The following NAALADL2 variants were observed in gnomAD, a reference collection of about 807,000 sequenced individuals.
NAALADL2 encodes the protein N-acetylated alpha-linked acidic dipeptidase like 2, also known as inactive N-acetylated-alpha-linked acidic dipeptidase-like protein 2.
NAALADL2 carries 76 observed loss-of-function variants against 87.2 expected under a neutral mutation model. The observed-to-expected ratio is 0.87, with a 90% confidence interval of 0.72 to 1.05. The LOEUF is 1.05. NAALADL2 is among the 50% of genes least tolerant of loss of function. The pLI, the probability that NAALADL2 is intolerant of heterozygous loss-of-function variation, is 0.00. For synonymous variants in NAALADL2, 354 were observed against 331.0 expected (o/e 1.07, Z -0.75); for missense variants, 1,089 against 945.8 (o/e 1.15, Z -1.99).
chr3:175,129,998 TCC>T (rs1356722380), intron 2 of NAALADL2, among the ~76,000 whole-genome samples: 2 of 152,316 alleles, frequency 1.3e-5, no homozygotes, highest in South Asian at 2.1e-4. Context: ...ATAATAGCTA[TCC>T]TATCAGCTGT....
intron 11 of NAALADL2, among the ~76,000 whole-genome samples, chr3:175,674,841 T>C (rs1287809112): frequency 1.3e-5 from 2 of 152,228 alleles, no homozygotes; most frequent in Non-Finnish European, 2.9e-5. Flanking sequence ...AAACACTGTA[T>C]AGGTACTTTT....
At chr3:175,717,353 G>A (rs1332677213) in intron 11 of NAALADL2, among the ~76,000 whole-genome samples, 1 of 152,090 alleles carries the variant, frequency 6.6e-6, no homozygotes, top group East Asian at 1.9e-4. Context: ...GAACGATTCA[G>A]CCTTAGAACA....
At chr3:174,587,851 G>T (rs531963275) in intron 2 of NAALADL2, among the ~76,000 whole-genome samples, 7 of 152,150 alleles carry the variant, frequency 4.6e-5, no homozygotes, top group African/African-American at 1.4e-4. Flanking sequence ...ACAATTATGT[G>T]TCTTGGAGTT....
intron 1 of NAALADL2, among the ~76,000 whole-genome samples, chr3:174,898,234 A>C (rs1292747863): frequency 6.6e-6 from 1 of 151,546 alleles, no homozygotes; most frequent in African/African-American, 2.4e-5. Flanking sequence ...ACAGAAAGAC[A>C]AATATCACAT....
At chr3:175,137,405 A>G (rs1729270233) in intron 2 of NAALADL2, among the ~76,000 whole-genome samples, 1 of 152,098 alleles carries the variant, frequency 6.6e-6, no homozygotes, top group Non-Finnish European at 1.5e-5. Flanking sequence ...AATTATTTAT[A>G]ATGGCTGCAT....
At chr3:175,091,358 T>C (rs1720088020) in intron 1 of NAALADL2, among the ~76,000 whole-genome samples, 2 of 152,082 alleles carry the variant, frequency 1.3e-5, no homozygotes, top group South Asian at 2.1e-4. Flanking sequence ...TGATTTGACA[T>C]TGAAAGCTTC....
intron 1 of NAALADL2, among the ~76,000 whole-genome samples, chr3:174,888,243 T>A (rs975264510): frequency 6.6e-6 from 1 of 152,224 alleles, no homozygotes; most frequent in African/African-American, 2.4e-5. Context: ...CGTGGAAGAA[T>A]AGGCAGTGGC....
chr3:175,209,965 C>T (rs1323918931), intron 2 of NAALADL2, among the ~76,000 whole-genome samples: 1 of 151,432 alleles, frequency 6.6e-6, no homozygotes, highest in Admixed American at 6.6e-5. Flanking sequence ...ATGGGAAACC[C>T]TGAAAATAGC....
intron 1 of NAALADL2, among the ~76,000 whole-genome samples, chr3:174,539,977 G>GA (rs57394560): frequency 0.017 from 895 of 51,170 alleles, 86 homozygotes; most frequent in Non-Finnish European, 0.026. Context: ...GGAAGTTCTG[G>GA]AAAAAAAAAA....
chr3:175,229,181 A>G (rs2109426033), intron 2 of NAALADL2, among the ~76,000 whole-genome samples: 1 of 151,966 alleles, frequency 6.6e-6, no homozygotes, highest in East Asian at 1.9e-4. Flanking sequence ...TTCTTTAAAT[A>G]TTTTCTGGAG....
intron 5 of NAALADL2, among the ~76,000 whole-genome samples, chr3:175,382,798 C>T (rs917780583): frequency 2.6e-5 from 4 of 151,464 alleles, no homozygotes; most frequent in East Asian, 2.0e-4. Context: ...TAATTATATA[C>T]GTATTCTCCT....
chr3:174,808,439 A>G (rs1433098109), intron 3 of NAALADL2, among the ~76,000 whole-genome samples: 1 of 152,164 alleles, frequency 6.6e-6, no homozygotes, highest in African/African-American at 2.4e-5. Context: ...TTGAAGTACA[A>G]TTTAAAGAAT....
intron 3 of NAALADL2, among the ~76,000 whole-genome samples, chr3:174,849,437 T>G (rs901557521): frequency 6.6e-6 from 1 of 152,060 alleles, no homozygotes; most frequent in Non-Finnish European, 1.5e-5. Context: ...TCAATTTTTT[T>G]TGCTAAAAAT....
chr3:175,368,849 A>G (rs895133689), intron 5 of NAALADL2, among the ~76,000 whole-genome samples: 5 of 152,116 alleles, frequency 3.3e-5, no homozygotes, highest in Non-Finnish European at 7.4e-5. Flanking sequence ...TGGTATTTGT[A>G]TATCTAAACA....
At chr3:175,082,609 T>C (rs1718093440) in intron 1 of NAALADL2, among the ~76,000 whole-genome samples, 2 of 152,212 alleles carry the variant, frequency 1.3e-5, no homozygotes, top group South Asian at 4.1e-4. Context: ...AACCTAACTT[T>C]ATTGCATTAA....
At chr3:174,788,982 T>G (rs7648550) in intron 3 of NAALADL2, among the ~76,000 whole-genome samples, 45,507 of 152,032 alleles carry the variant, frequency 0.3, 6,984 homozygotes, top group East Asian at 0.44. Flanking sequence ...GAAGTTTGTG[T>G]GATAGGAAAC....
intron 1 of NAALADL2, among the ~76,000 whole-genome samples, chr3:174,997,036 G>A (rs78313791): frequency 3.3e-5 from 3 of 89,842 alleles, no homozygotes; most frequent in East Asian, 5.2e-4. Context: ...GTGTGTGTGT[G>A]TGTATGTGTA....
chr3:174,941,909 G>A (rs534721730), intron 1 of NAALADL2, among the ~76,000 whole-genome samples: 2 of 152,138 alleles, frequency 1.3e-5, no homozygotes, highest in East Asian at 3.9e-4. Flanking sequence ...TGTGTGAGAT[G>A]ACTCTCTTGA....
chr3:174,582,939 T>C (rs1434341704), intron 2 of NAALADL2, among the ~76,000 whole-genome samples: 1 of 152,194 alleles, frequency 6.6e-6, no homozygotes, highest in African/African-American at 2.4e-5. Flanking sequence ...TTAAACTTGA[T>C]ATTTTAAGAG....
Sources: allele counts gnomAD v4.1 joint callset (sites outside exome capture counted in the v4.1 genomes callset), GRCh38; gene constraint gnomAD v4.1.1; transcripts MANE v1.5; gene names NCBI Gene and HGNC (gene_info 2026-07-23, HGNC 2026-07-21).